MKLN1: variants seen among roughly 807,000 people sequenced by gnomAD.
MKLN1 encodes muskelin 1, also known as muskelin.
In MKLN1, 18 loss-of-function variants were observed where a neutral mutation model predicts 99.0. That is an observed-to-expected ratio of 0.18 (90% CI 0.13 to 0.27). The LOEUF (loss-of-function observed/expected upper bound fraction) is 0.27. MKLN1 is among the 10% of genes least tolerant of loss of function. The pLI, the probability that MKLN1 is intolerant of heterozygous loss-of-function variation, is 1.00. For missense variants in MKLN1, 621 were observed against 875.9 expected, an observed-to-expected ratio of 0.71 and a Z score of 3.67; for synonymous variants, 288 against 293.2, an observed-to-expected ratio of 0.98 and a Z score of 0.18.
chr7:131,450,842 A>G (rs1796157609), intron 12 of MKLN1, among the ~76,000 whole-genome samples: 2 of 152,180 alleles, frequency 1.3e-5, no homozygotes, highest in Admixed American at 6.5e-5. Context: ...TGTTAACGCA[A>G]TTCTAGGTAT....
At chr7:131,326,258 C>T (rs1798887392), upstream of MKLN1, among the ~76,000 whole-genome samples, 1 of 152,200 alleles carries the variant, frequency 6.6e-6, no homozygotes, top group Non-Finnish European at 1.5e-5. Context: ...CGACCCAAGT[C>T]ACTACAGTTA....
At chr7:131,353,795 A>AT (rs1170959604) in intron 1 of MKLN1, among the ~76,000 whole-genome samples, 1 of 146,744 alleles carries the variant, frequency 6.8e-6, no homozygotes, top group East Asian at 2.0e-4. Context: ...TTAATGAAGT[A>AT]TGAGTTTTAG....
At chr7:131,426,336 T>TG (rs1394192874) in intron 8 of MKLN1, among the ~76,000 whole-genome samples, 4 of 152,196 alleles carry the variant, frequency 2.6e-5, no homozygotes, top group African/African-American at 9.7e-5. Context: ...CAATTGCTAT[T>TG]GCTATTTTAG....
intron 3 of MKLN1, among the ~76,000 whole-genome samples, chr7:131,215,433 A>C (rs897450165): frequency 1.3e-5 from 2 of 152,058 alleles, no homozygotes; most frequent in Non-Finnish European, 2.9e-5. Flanking sequence ...GCAGCCTCAA[A>C]TTTCTGGCTC....
intron 3 of MKLN1, among the ~76,000 whole-genome samples, chr7:131,232,175 A>G (rs547156336): frequency 1.3e-5 from 2 of 152,326 alleles, no homozygotes; most frequent in Non-Finnish European, 2.9e-5. Context: ...TCTGAAATTG[A>G]CTTATTGAAG....
chr7:131,239,663 A>T (rs1443642016), intron 3 of MKLN1, among the ~76,000 whole-genome samples: 1 of 152,112 alleles, frequency 6.6e-6, no homozygotes, highest in Non-Finnish European at 1.5e-5. Flanking sequence ...TTCTTGTTTG[A>T]TACCAGAGTC....
rs1554567982 is a variant in MKLN1 at position 131,400,518 on chromosome 7, A to ATATATATAT, written c.703+1085_703+1086insTATATATAT. Among the ~76,000 whole-genome samples the ATATATATAT allele has an allele frequency of 7.9e-3, 1,088 of 137,342 alleles. 5 individuals carry two copies. Among genetic ancestry groups the ATATATATAT allele is most frequent in the South Asian group, 0.011 (50 of 4,400 alleles). 90.1% of individuals were successfully genotyped at this position (137,342 alleles called of 152,430 possible). A position where few individuals can be genotyped will look rare whatever the true frequency, so the allele number is the denominator to read the frequency against. ...TTTAAAATGCTACCAATAAAAAAAA[A>ATATATATAT]ATATATATATATATATATATATGCC... On this transcript the variant is annotated intron_variant, in intron 6 of 17. Transcript: ENST00000352689.
At chr7:131,452,299 C>T (rs1796202329) in intron 12 of MKLN1, among the ~76,000 whole-genome samples, 1 of 152,108 alleles carries the variant, frequency 6.6e-6, no homozygotes, top group South Asian at 2.1e-4. Context: ...CCTCATCTAG[C>T]TCCAAAATTT....
At chr7:131,370,977 AGGCTAACCTCACTCC>A (rs1412882380) in intron 1 of MKLN1, among the ~76,000 whole-genome samples, 1 of 152,244 alleles carries the variant, frequency 6.6e-6, no homozygotes, top group South Asian at 2.1e-4. Context: ...CAAACCCCCT[AGGCTAACCTCACTCC>A]GTTTCTGGTC....
chr7:131,120,386 C>A (rs1465295870), intron 1 of MKLN1, among the ~76,000 whole-genome samples: 4 of 144,980 alleles, frequency 2.8e-5, no homozygotes, highest in African/African-American at 7.7e-5. Flanking sequence ...AACAAACAAA[C>A]AAACAAAAAA....
rs3213820 is a variant in MKLN1, at chr7:131,470,827, G to C, written c.1929-15G>C. On this transcript the variant is annotated splice_polypyrimidine_tract_variant and intron_variant, in intron 15 of 17. Transcript: ENST00000352689. ...CTCATAACTCCAGATAATTATCCTT[G>C]TGTACATTTTCTAGGTTTGAAGAAA... 90,515 of 1,484,768 alleles carry C rather than the reference G, an allele frequency of 0.061. 3,534 individuals are homozygous for C. The highest frequency in any genetic ancestry group is 0.18 in the East Asian group (8,020 of 44,164). 92.0% of individuals were successfully genotyped at this position (1,484,768 alleles called of 1,614,324 possible). A position where few individuals can be genotyped will look rare whatever the true frequency, so the allele number is the denominator to read the frequency against.
intron 2 of MKLN1, among the ~76,000 whole-genome samples, chr7:131,199,355 T>C (rs1187498531): frequency 6.6e-6 from 1 of 151,792 alleles, no homozygotes; most frequent in Non-Finnish European, 1.5e-5. Context: ...AATCCTGGGC[T>C]CAAGCAATCC....
chr7:131,442,207 T>A (rs557026806), intron 10 of MKLN1, among the ~76,000 whole-genome samples: 1 of 152,184 alleles, frequency 6.6e-6, no homozygotes, highest in Non-Finnish European at 1.5e-5. Context: ...TTAGGAGATG[T>A]TAGAATCTTT....
At chr7:131,480,922 T>A (rs970783376) in intron 17 of MKLN1, among the ~76,000 whole-genome samples, 1 of 152,378 alleles carries the variant, frequency 6.6e-6, no homozygotes, top group Non-Finnish European at 1.5e-5. Context: ...TGGCAGCAAT[T>A]TAAATATATC....
chr7:131,149,958 G>A (rs941289431), intron 2 of MKLN1, among the ~76,000 whole-genome samples: 1 of 152,158 alleles, frequency 6.6e-6, no homozygotes, highest in African/African-American at 2.4e-5. Flanking sequence ...GAAGGCTAGC[G>A]CTGCTTTGCT....
intron 2 of MKLN1, among the ~76,000 whole-genome samples, chr7:131,169,751 C>A (rs1250953151): frequency 6.6e-6 from 1 of 151,982 alleles, no homozygotes; most frequent in Non-Finnish European, 1.5e-5. Context: ...AGAGATTTTT[C>A]CATTTAATAA....
intron 1 of MKLN1, among the ~76,000 whole-genome samples, chr7:131,345,412 TGATTTTGGGTTTTCA>T (rs1336747921): frequency 2.0e-5 from 3 of 152,252 alleles, no homozygotes; most frequent in Non-Finnish European, 1.5e-5. Context: ...GGAACATTTC[TGATTTTGGGTTTTCA>T]GATTCTCAAA....
In MKLN1 at chr7:131,166,048, G is replaced by A. The variant is rs139185427; in HGVS notation, c.-297+23107G>A. Among the ~76,000 whole-genome samples, 217 of 152,268 alleles carry A rather than the reference G, an allele frequency of 1.4e-3. 1 individual carries two copies. The highest frequency in any genetic ancestry group is 4.8e-3 in the African/African-American group (200 of 41,546). On this transcript the variant is annotated intron_variant, in intron 2 of 7. Transcript: ENST00000416992. Reference sequence around the variant, plus strand: ...GAGGACTGCTTGAACCTGGGAGGTCGAGGCTGCAATGAGCTGTGATCATGC... The same window carrying A: ...GAGGACTGCTTGAACCTGGGAGGTCAAGGCTGCAATGAGCTGTGATCATGC...
At chr7:131,378,256 C>T (rs1342469559) in intron 2 of MKLN1, among the ~76,000 whole-genome samples, 3 of 152,074 alleles carry the variant, frequency 2.0e-5, no homozygotes, top group East Asian at 1.9e-4. Flanking sequence ...GGATTATAGG[C>T]GTGCACCACC....
Sources: gnomAD v4.1 joint callset for allele counts (sites outside exome capture counted in the v4.1 genomes callset) on GRCh38, gnomAD v4.1.1 for gene constraint, MANE v1.5 for transcripts, NCBI Gene and HGNC (gene_info 2026-07-23, HGNC 2026-07-21) for gene names.